ST18: variants seen among roughly 807,000 people sequenced by gnomAD.
ST18 encodes the protein ST18 C2H2C-type zinc finger transcription factor, also known as suppression of tumorigenicity 18 protein.
A neutral mutation model predicts 110.0 loss-of-function variants in ST18; 50 were observed. The ratio of observed to expected loss-of-function variants is 0.45; its 90% CI spans 0.36 to 0.58. ST18 has a LOEUF of 0.58. Ranked by LOEUF, ST18 falls within the 20% of genes least tolerant of loss-of-function variation. The pLI, the probability that ST18 is intolerant of heterozygous loss-of-function variation, is 0.00. For synonymous variants in ST18, 461 were observed against 452.4 expected (o/e 1.02, Z -0.24); for missense variants, 1,306 against 1,280.1 (o/e 1.02, Z -0.31).
At chr8:52,210,160 G>GT (rs1413809411) in intron 8 of ST18, 1 of 455,944 alleles carries the variant, frequency 2.2e-6, no homozygotes, top group East Asian at 7.0e-5. Flanking sequence ...CTGCAAACAT[G>GT]TCCCCCACTT....
intron 2 of ST18, among the ~76,000 whole-genome samples, chr8:52,240,029 A>T (rs1216712057): frequency 6.6e-6 from 1 of 152,112 alleles, no homozygotes; most frequent in Non-Finnish European, 1.5e-5. Flanking sequence ...GCTGGGCTCA[A>T]GAGATCCACC....
intron 14 of ST18, 97 bp downstream of exon 14, chr8:52,161,278 A>G (rs2061387224): frequency 1.1e-5 from 13 of 1,234,788 alleles, no homozygotes; most frequent in South Asian, 1.5e-5. Context: ...TATGTAGTAT[A>G]TCATATATTT....
At position 52,144,519 on chromosome 8, in the gene ST18, A is replaced by G. The variant is rs116484320; in HGVS notation, c.2053-1474T>C. 6.2e-3 allele frequency among the ~76,000 whole-genome samples: 947 copies of G among 152,216 alleles called. 18 individuals are homozygous for G. The highest frequency in any genetic ancestry group is 0.022 in the African/African-American group (908 of 41,566). On this transcript the variant is annotated intron_variant, in intron 16 of 25. Coordinates refer to ENST00000689386, the MANE Select transcript of ST18 (RefSeq NM_001352837.2). ...TTTTTCATTAATTACTTGGCTAACA[A>G]TTCAATCAATTATTTCACACAAGAG...
At chr8:52,399,361 C>T (rs74882790) in intron 2 of ST18, among the ~76,000 whole-genome samples, 3,406 of 151,088 alleles carry the variant, frequency 0.023, 153 homozygotes, top group African/African-American at 0.079. Flanking sequence ...ACTATTGATT[C>T]TGTTTATTTT....
intron 8 of ST18, among the ~76,000 whole-genome samples, chr8:52,197,770 AC>A (rs1442602800): frequency 2.0e-5 from 3 of 152,124 alleles, no homozygotes; most frequent in Admixed American, 2.0e-4. Flanking sequence ...TGTCACAGTT[AC>A]ATAGTCAAAA....
At position 52,375,818 on chromosome 8, in the gene ST18, G is replaced by A. The variant is rs564879126; in HGVS notation, c.-465+33510C>T. Among the ~76,000 whole-genome samples, 12 of 146,976 alleles carry A rather than the reference G, an allele frequency of 8.2e-5. No individual in the cohort carries two copies. In the South Asian group the frequency reaches 1.0e-3, roughly 13 times the overall value. On this transcript the variant is annotated intron_variant, in intron 2 of 25. Transcript: ENST00000689386. ...TAAATCAACACACCCGGACTGAGCC[G>A]CAGGTCTTCACCAGCTCCCCCGCAG...
At chr8:52,128,131 G>A (rs888300882) in intron 22 of ST18, among the ~76,000 whole-genome samples, 1 of 152,096 alleles carries the variant, frequency 6.6e-6, no homozygotes, top group African/African-American at 2.4e-5. Context: ...ACCACACCTG[G>A]CTAATTTTTG....
chr8:52,400,128 T>C (rs1437511513), intron 2 of ST18, among the ~76,000 whole-genome samples: 1 of 152,130 alleles, frequency 6.6e-6, no homozygotes, highest in Non-Finnish European at 1.5e-5. Flanking sequence ...TGTTTTGTCT[T>C]CTTAATAGGT....
At chr8:52,195,167 G>A (rs1490122746) in intron 8 of ST18, among the ~76,000 whole-genome samples, 1 of 152,146 alleles carries the variant, frequency 6.6e-6, no homozygotes, top group East Asian at 1.9e-4. Flanking sequence ...ATGGATCATA[G>A]GGATGTACCC....
chr8:52,378,555 G>A (rs1006428472), intron 2 of ST18, among the ~76,000 whole-genome samples: 2 of 152,132 alleles, frequency 1.3e-5, no homozygotes, highest in African/African-American at 4.8e-5. Context: ...GTTTAGCCAG[G>A]AGGGCAGGCA....
At chr8:52,347,419 C>A (rs9643471) in intron 2 of ST18, among the ~76,000 whole-genome samples, 23,857 of 151,996 alleles carry the variant, frequency 0.16, 3,125 homozygotes, top group African/African-American at 0.35. Flanking sequence ...CAGGGTGTTG[C>A]TAGAGAATGG....
At chr8:52,120,820 G>A (rs2044440282) in intron 23 of ST18, among the ~76,000 whole-genome samples, 1 of 152,198 alleles carries the variant, frequency 6.6e-6, no homozygotes, top group South Asian at 2.1e-4. Flanking sequence ...GATTGCTGGA[G>A]TCCTGGCTGG....
chr8:52,333,782 C>A (rs1403546294), intron 2 of ST18, among the ~76,000 whole-genome samples: 1 of 152,200 alleles, frequency 6.6e-6, no homozygotes, highest in Non-Finnish European at 1.5e-5. Context: ...GAAAGTATGG[C>A]TCTCTTGCTA....
intron 8 of ST18, among the ~76,000 whole-genome samples, chr8:52,206,948 A>G (rs959202872): frequency 1.3e-5 from 2 of 152,192 alleles, no homozygotes; most frequent in African/African-American, 2.4e-5. Context: ...AAGACTTACT[A>G]TTAGAAATCA....
chr8:52,277,651 G>A (rs373556637), intron 2 of ST18, among the ~76,000 whole-genome samples: 3 of 152,220 alleles, frequency 2.0e-5, no homozygotes, highest in Admixed American at 6.5e-5. Flanking sequence ...TATTCATCAA[G>A]GTGAATAACT....
intron 2 of ST18, among the ~76,000 whole-genome samples, chr8:52,255,789 TC>T (rs1438556168): frequency 1.3e-5 from 2 of 152,238 alleles, no homozygotes; most frequent in Non-Finnish European, 2.9e-5. Flanking sequence ...CATTTTCATG[TC>T]CTTTCAACAT....
intron 2 of ST18, among the ~76,000 whole-genome samples, chr8:52,329,799 C>A (rs1564509867): frequency 6.6e-6 from 1 of 151,936 alleles, no homozygotes; most frequent in Non-Finnish European, 1.5e-5. Context: ...AGAAAGAAAC[C>A]AGGGAAGGTT....
At chr8:52,299,643 G>A (rs570665066) in intron 2 of ST18, among the ~76,000 whole-genome samples, 118 of 152,314 alleles carry the variant, frequency 7.7e-4, no homozygotes, top group Middle Eastern at 3.4e-3. Context: ...AGGCCTACAT[G>A]AAGTGGCATT....
chr8:52,138,354 C>G (rs1432301947), intron 17 of ST18, among the ~76,000 whole-genome samples: 1 of 152,212 alleles, frequency 6.6e-6, no homozygotes, highest in African/African-American at 2.4e-5. Flanking sequence ...AATAGGCTCT[C>G]AGGCCATCTG....
Sources: allele counts gnomAD v4.1 joint callset (sites outside exome capture counted in the v4.1 genomes callset), GRCh38; gene constraint gnomAD v4.1.1; transcripts MANE v1.5; gene names NCBI Gene and HGNC (gene_info 2026-07-23, HGNC 2026-07-21).